THSD7B: variants seen among roughly 807,000 people sequenced by gnomAD.
THSD7B encodes the protein thrombospondin type 1 domain containing 7B, also known as thrombospondin type-1 domain-containing protein 7B.
THSD7B carries 138 observed loss-of-function variants against 213.6 expected under a neutral mutation model. The ratio of observed to expected loss-of-function variants is 0.65; its 90% CI spans 0.56 to 0.74. The LOEUF (loss-of-function observed/expected upper bound fraction) is 0.74, where lower values mean the gene tolerates loss of function less well. Among genes scored for constraint, THSD7B ranks in the 30% least tolerant of loss-of-function variants. The pLI is 0.00. For synonymous variants in THSD7B, 742 were observed against 687.0 expected, an observed-to-expected ratio of 1.08 and a Z score of -1.25; for missense variants, 1,931 against 1,991.5, an observed-to-expected ratio of 0.97 and a Z score of 0.58.
intron 12 of THSD7B, among the ~76,000 whole-genome samples, chr2:137,313,461 A>G (rs867917749): frequency 4.0e-5 from 6 of 151,836 alleles, no homozygotes; most frequent in East Asian, 3.9e-4. Context: ...TCTTTATCCA[A>G]TTTGCCAGTC....
intron 12 of THSD7B, among the ~76,000 whole-genome samples, chr2:137,356,576 T>C (rs1472429545): frequency 6.6e-6 from 1 of 152,192 alleles, no homozygotes; most frequent in Non-Finnish European, 1.5e-5. Context: ...TTGCTTTGGC[T>C]AATAGGACGT....
intron 1 of THSD7B, among the ~76,000 whole-genome samples, chr2:136,852,513 C>T (rs1055596576): frequency 6.6e-6 from 1 of 152,110 alleles, no homozygotes; most frequent in Non-Finnish European, 1.5e-5. Context: ...AGAGAAGAGG[C>T]ACTGGTTGAG....
intron 15 of THSD7B, among the ~76,000 whole-genome samples, chr2:137,525,749 A>G (rs1047081182): frequency 1.3e-5 from 2 of 152,200 alleles, no homozygotes; most frequent in African/African-American, 4.8e-5. Flanking sequence ...CTGGAGATCA[A>G]AGAGCTGCTG....
At chr2:137,031,944 C>T (rs1686680869) in intron 2 of THSD7B, among the ~76,000 whole-genome samples, 1 of 151,412 alleles carries the variant, frequency 6.6e-6, no homozygotes, top group South Asian at 2.1e-4. Context: ...TGGGTTTAAA[C>T]AATCCTCCCA....
intron 3 of THSD7B, among the ~76,000 whole-genome samples, chr2:137,073,002 T>TTGCCAGTATTTTATTGAGGA (rs1204487379): frequency 1.2e-4 from 18 of 151,930 alleles, no homozygotes; most frequent in African/African-American, 4.4e-4. Context: ...TGGATTCAGT[T>TTGCCAGTATTTTATTGAGGA]TGCCAGTATT....
At chr2:136,858,822 C>T (rs1243332608) in intron 1 of THSD7B, among the ~76,000 whole-genome samples, 1 of 152,296 alleles carries the variant, frequency 6.6e-6, no homozygotes, top group East Asian at 1.9e-4. Flanking sequence ...AATATCTTCC[C>T]ATGGTGCGCC....
intron 5 of THSD7B, among the ~76,000 whole-genome samples, chr2:137,126,777 T>C (rs1688636421): frequency 6.6e-6 from 1 of 152,230 alleles, no homozygotes; most frequent in Admixed American, 6.5e-5. Flanking sequence ...TAATCATTTC[T>C]AGCTTTTGAT....
chr2:137,639,289 T>C (rs1210659328), intron 20 of THSD7B, among the ~76,000 whole-genome samples: 1 of 152,166 alleles, frequency 6.6e-6, no homozygotes, highest in African/African-American at 2.4e-5. Flanking sequence ...GCCCCAAGCC[T>C]TGGCAGCTTC....
chr2:137,056,769 C>T lies in THSD7B; in HGVS notation c.489C>T (p.Ala163=). The T allele has an allele frequency of 6.2e-7, 1 of 1,613,964 alleles. No homozygotes were observed. Among genetic ancestry groups the T allele is most frequent in the South Asian group, 1.1e-5 (1 of 91,086 alleles). Residue 163 remains alanine, a synonymous_variant, in exon 3 of 28, where the codon GCC becomes GCT. Transcript: ENST00000409968. ...CAAATGAAATATGCGAACACTTTGC[C>T]CTTCAGCCTCCTACAGAACAGGCTT... ...VVANEICEHF[A]LQPPTEQACL...
chr2:137,676,238 A>G (rs1683696018), intron 27 of THSD7B, among the ~76,000 whole-genome samples: 1 of 152,174 alleles, frequency 6.6e-6, no homozygotes, highest in South Asian at 2.1e-4. Flanking sequence ...GTGAGAAAAG[A>G]CGTTCCTGTT....
At chr2:137,107,793 TTAA>T (rs1275535364) in intron 4 of THSD7B, among the ~76,000 whole-genome samples, 1 of 152,188 alleles carries the variant, frequency 6.6e-6, no homozygotes, top group African/African-American at 2.4e-5. Flanking sequence ...TAGAAGTCTA[TTAA>T]TAATACATGT....
At chr2:137,244,612 A>G (rs930480704) in intron 10 of THSD7B, among the ~76,000 whole-genome samples, 1 of 152,160 alleles carries the variant, frequency 6.6e-6, no homozygotes, top group Non-Finnish European at 1.5e-5. Context: ...CAGAAATTCA[A>G]TTAGTTGTTT....
At chr2:137,579,021 G>A (rs1681521098) in intron 17 of THSD7B, among the ~76,000 whole-genome samples, 1 of 152,134 alleles carries the variant, frequency 6.6e-6, no homozygotes, top group African/African-American at 2.4e-5. Context: ...TGGAATCATT[G>A]CAGTTTTCAG....
At chr2:136,873,004 C>T (rs1263588971) in intron 1 of THSD7B, among the ~76,000 whole-genome samples, 1 of 101,602 alleles carries the variant, frequency 9.8e-6, no homozygotes, top group East Asian at 2.8e-4. Flanking sequence ...GCCTGGGTGA[C>T]AGAGCAAGAC....
At chr2:137,493,454 C>CTAAG (rs1679481015) in intron 15 of THSD7B, among the ~76,000 whole-genome samples, 1 of 152,136 alleles carries the variant, frequency 6.6e-6, no homozygotes, top group Admixed American at 6.5e-5. Context: ...TTCTGTTGTC[C>CTAAG]TAAGAGCCAA....
At chr2:137,256,220 C>T (rs1263491350) in intron 10 of THSD7B, among the ~76,000 whole-genome samples, 1 of 152,096 alleles carries the variant, frequency 6.6e-6, no homozygotes, top group Non-Finnish European at 1.5e-5. Flanking sequence ...TTTTCTAGGG[C>T]TTACTGTATA....
At chr2:137,600,989 G>GA (rs1183565238) in intron 17 of THSD7B, among the ~76,000 whole-genome samples, 4 of 151,488 alleles carry the variant, frequency 2.6e-5, no homozygotes, top group African/African-American at 9.7e-5. Flanking sequence ...GTTTAAATAG[G>GA]AAAAAAATTA....
At chr2:137,370,994 T>A (rs1436054361) in intron 12 of THSD7B, among the ~76,000 whole-genome samples, 1 of 152,154 alleles carries the variant, frequency 6.6e-6, no homozygotes, top group East Asian at 1.9e-4. Flanking sequence ...TTCTATATAC[T>A]TTTTTGCTTT....
intron 12 of THSD7B, among the ~76,000 whole-genome samples, chr2:137,284,527 G>C (rs537336152): frequency 4.6e-5 from 7 of 152,144 alleles, no homozygotes; most frequent in Middle Eastern, 6.8e-3. Context: ...GCTTTCTCTT[G>C]TGGGCATTTA....
Sources: allele counts gnomAD v4.1 joint callset (sites outside exome capture counted in the v4.1 genomes callset), GRCh38; gene constraint gnomAD v4.1.1; transcripts MANE v1.5; gene names NCBI Gene and HGNC (gene_info 2026-07-23, HGNC 2026-07-21).